Variants in SGCD observed in about 807,000 individuals in gnomAD.
The protein encoded by SGCD is sarcoglycan delta, also known as delta-sarcoglycan.
SGCD carries 18 observed loss-of-function variants against 36.6 expected under a neutral mutation model. The ratio of observed to expected loss-of-function variants is 0.49; its 90% CI spans 0.34 to 0.73. The LOEUF is 0.73. Ranked by LOEUF, SGCD falls within the 30% of genes least tolerant of loss-of-function variation. SGCD has a pLI of 0.01. For missense variants in SGCD, 387 were observed against 346.7 expected, an observed-to-expected ratio of 1.12 and a Z score of -0.92; for synonymous variants, 133 against 130.6, an observed-to-expected ratio of 1.02 and a Z score of -0.12.
At chr5:155,826,914 G>A in the SGCD span, among the ~76,000 whole-genome samples, 1 of 152,192 alleles carries the variant, frequency 6.6e-6, no homozygotes, top group African/African-American at 2.4e-5. Flanking sequence ...ACTGGGCCTT[G>A]TGCTGGTTTC....
chr5:155,775,526 C>G, the SGCD span, among the ~76,000 whole-genome samples: 14 of 152,144 alleles, frequency 9.2e-5, no homozygotes, highest in African/African-American at 3.4e-4. Flanking sequence ...CTATTATGCT[C>G]CTTTTGACTA....
intron 3 of SGCD, among the ~76,000 whole-genome samples, chr5:156,134,954 T>C (rs1417274739): frequency 6.6e-6 from 1 of 152,188 alleles, no homozygotes; most frequent in Admixed American, 6.5e-5. Context: ...CAAACTTGTA[T>C]TGTAATTCTT....
chr5:155,837,958 CT>C, the SGCD span, among the ~76,000 whole-genome samples: 1 of 151,800 alleles, frequency 6.6e-6, no homozygotes, highest in Non-Finnish European at 1.5e-5. Flanking sequence ...TTTTTAAACT[CT>C]TTTTTTTATT....
At chr5:156,162,418 T>G (rs2127618730) in intron 3 of SGCD, among the ~76,000 whole-genome samples, 1 of 151,318 alleles carries the variant, frequency 6.6e-6, no homozygotes, top group African/African-American at 2.5e-5. Context: ...GTGATGGAGG[T>G]TGTTCTGCAG....
At chr5:156,747,865 A>G (rs1757005020) in intron 7 of SGCD, among the ~76,000 whole-genome samples, 1 of 152,162 alleles carries the variant, frequency 6.6e-6, no homozygotes, top group African/African-American at 2.4e-5. Flanking sequence ...TGCCTGTCTT[A>G]TAACCTAGTC....
chr5:156,265,001 A>G (rs780640458), intron 3 of SGCD, among the ~76,000 whole-genome samples: 2 of 152,168 alleles, frequency 1.3e-5, no homozygotes, highest in Non-Finnish European at 2.9e-5. Context: ...TCAGTGAATT[A>G]GATGAGTGGG....
chr5:156,713,264 G>C (rs1755072591), intron 7 of SGCD, among the ~76,000 whole-genome samples: 1 of 152,150 alleles, frequency 6.6e-6, no homozygotes, highest in Admixed American at 6.5e-5. Flanking sequence ...CCAGTTAACA[G>C]GAAAGAAGGT....
rs187730194 is a variant in SGCD, at chr5:156,664,374, G to A, written c.575+16838G>A. Among the ~76,000 whole-genome samples, 2,382 of 149,298 alleles carry A rather than the reference G, an allele frequency of 0.016. 138 individuals are homozygous for A. In the East Asian group the frequency reaches 0.2, roughly 12 times the overall value. On this transcript the variant is annotated intron_variant, in intron 7 of 8. Coordinates refer to ENST00000337851, the MANE Select transcript of SGCD (RefSeq NM_000337.6). ...CTATGACCTTACCGGCTTTTTCATC[G>A]GCAATTGACTTTTGAGCAACATCTT...
chr5:156,648,340 T>C (rs1420045199), intron 7 of SGCD, among the ~76,000 whole-genome samples: 1 of 151,998 alleles, frequency 6.6e-6, no homozygotes, highest in Non-Finnish European at 1.5e-5. Context: ...GAATAACTGT[T>C]TCATGATAGA....
chr5:156,358,373 T>A (rs1769595519), intron 3 of SGCD, among the ~76,000 whole-genome samples: 2 of 152,364 alleles, frequency 1.3e-5, no homozygotes, highest in South Asian at 4.1e-4. Context: ...CATTCACTAG[T>A]GGAGAGCCTT....
chr5:156,014,103 T>C (rs1424726254), intron 1 of SGCD, among the ~76,000 whole-genome samples: 1 of 152,098 alleles, frequency 6.6e-6, no homozygotes, highest in Non-Finnish European at 1.5e-5. Flanking sequence ...TTATAGAATC[T>C]CTTTTTGGGC....
chr5:155,728,797 G>T, the SGCD span, among the ~76,000 whole-genome samples: 2 of 152,088 alleles, frequency 1.3e-5, no homozygotes, highest in African/African-American at 2.4e-5. Context: ...ACCTGGGAGC[G>T]ATGCGCCCCC....
chr5:155,795,664 A>G, the SGCD span, among the ~76,000 whole-genome samples: 1 of 152,316 alleles, frequency 6.6e-6, no homozygotes, highest in African/African-American at 2.4e-5. Context: ...ATAATCTCAT[A>G]GAAAATGTAT....
the SGCD span, among the ~76,000 whole-genome samples, chr5:155,806,212 T>C: frequency 6.6e-6 from 1 of 152,200 alleles, no homozygotes; most frequent in South Asian, 2.1e-4. Flanking sequence ...TGGAGTGCAG[T>C]GGCACGATAT....
At chr5:156,669,716 C>T (rs1041849195) in intron 7 of SGCD, among the ~76,000 whole-genome samples, 3 of 152,060 alleles carry the variant, frequency 2.0e-5, no homozygotes, top group African/African-American at 4.8e-5. Flanking sequence ...CAAATATGAT[C>T]AAAGGAAAAA....
chr5:156,454,425 G>A (rs767883598), intron 3 of SGCD, among the ~76,000 whole-genome samples: 19 of 152,140 alleles, frequency 1.2e-4, no homozygotes, highest in Non-Finnish European at 2.6e-4. Context: ...ATTACCCAAG[G>A]AAGGCTAAAC....
At chr5:156,656,536 A>G (rs921649356) in intron 7 of SGCD, among the ~76,000 whole-genome samples, 3 of 152,152 alleles carry the variant, frequency 2.0e-5, no homozygotes, top group Non-Finnish European at 2.9e-5. Flanking sequence ...ACAGCCCAAC[A>G]TATTTCTGTA....
upstream of SGCD, among the ~76,000 whole-genome samples, chr5:155,867,035 A>G (rs1397402956): frequency 1.3e-5 from 2 of 152,184 alleles, no homozygotes; most frequent in Non-Finnish European, 2.9e-5. Context: ...TGGAGTCTCC[A>G]TTTGGCCGTT....
chr5:155,894,725 C>A lies in SGCD; in HGVS notation c.-282+24301C>A, dbSNP rs146564028. ...TTGGGTGCTCCTTACGAGACTCTAA[C>A]GCCTGATGATTCTTCACTGCCTCTC... On this transcript the variant is annotated intron_variant, in intron 1 of 9. Transcript: ENST00000517913. Among the ~76,000 whole-genome samples, 12 of 152,258 alleles carry A rather than the reference C, an allele frequency of 7.9e-5. No homozygotes were observed. In the East Asian group the frequency reaches 2.3e-3, roughly 29 times the overall value.
Sources: gnomAD v4.1 joint callset for allele counts (sites outside exome capture counted in the v4.1 genomes callset) on GRCh38, gnomAD v4.1.1 for gene constraint, MANE v1.5 for transcripts, NCBI Gene and HGNC (gene_info 2026-07-23, HGNC 2026-07-21) for gene names.